The following RNF13 variants were observed in gnomAD, a reference collection of about 807,000 sequenced individuals.
RNF13 encodes E3 ubiquitin-protein ligase RNF13.
RNF13 carries 19 observed loss-of-function variants against 37.7 expected under a neutral mutation model. The observed-to-expected ratio is 0.50, with a 90% CI of 0.35 to 0.74. RNF13 has a LOEUF of 0.74. Among genes scored for constraint, RNF13 ranks in the 30% least tolerant of loss-of-function variants. The pLI is 0.01. For synonymous variants in RNF13, 144 were observed against 157.8 expected, an observed-to-expected ratio of 0.91 and a Z score of 0.65; for missense variants, 375 against 453.0, an observed-to-expected ratio of 0.83 and a Z score of 1.56.
rs183501369 is a variant in RNF13 at position 149,864,547 on chromosome 3, T to G, written c.196-7482T>G. 5.7e-3 allele frequency among the ~76,000 whole-genome samples: 873 copies of G among 152,278 alleles called. 10 individuals carry two copies. Among genetic ancestry groups the G allele is most frequent in the Non-Finnish European group, 4.1e-3 (282 of 68,020 alleles). On this transcript the variant is annotated intron_variant, in intron 3 of 9. Coordinates refer to ENST00000392894, the MANE Select transcript of RNF13 (RefSeq NM_183381.3). ...CCTCCAGAGCGCACATTCATTTTGT[T>G]TTCTAAAATGTCAAGGTATCATATC...
chr3:149,928,922 G>A (rs746916238), intron 8 of RNF13, among the ~76,000 whole-genome samples: 1 of 151,946 alleles, frequency 6.6e-6, no homozygotes, highest in Admixed American at 6.6e-5. Context: ...GCATTTTATT[G>A]TTTTAGATAC....
chr3:149,956,642 A>C (rs1227695693), intron 8 of RNF13, among the ~76,000 whole-genome samples: 2 of 152,200 alleles, frequency 1.3e-5, no homozygotes, highest in Non-Finnish European at 2.9e-5. Flanking sequence ...ACCTTCATGA[A>C]ATTTTTCTGA....
intron 3 of RNF13, among the ~76,000 whole-genome samples, chr3:149,856,262 C>T (rs1206053690): frequency 1.3e-5 from 2 of 151,964 alleles, no homozygotes; most frequent in South Asian, 2.1e-4. Flanking sequence ...TGCCATTGCC[C>T]AGAATCAGAA....
Position 149,961,317 on chromosome 3 carries a change from C to G in RNF13, c.*213C>G. The stretch of plus-strand genomic sequence containing the variant: ...TAATAGACTGGTGCTGTAACTCAAG[C>G]ATCAATTCAGCTCTTCTTTTGGAAT... On this transcript the variant is annotated 3_prime_UTR_variant, in exon 10 of 10. Transcript: ENST00000392894. 1 of 674,270 alleles carries G rather than the reference C, an allele frequency of 1.5e-6. No homozygotes were observed. The highest frequency in any genetic ancestry group is 2.7e-6 in the Non-Finnish European group (1 of 371,886). The allele number at this position is 674,270 out of a possible 1,614,324, so 41.8% of individuals were successfully genotyped here.
intron 4 of RNF13, among the ~76,000 whole-genome samples, chr3:149,889,015 T>G (rs1179404403): frequency 6.6e-6 from 1 of 152,196 alleles, no homozygotes; most frequent in African/African-American, 2.4e-5. Context: ...CTCAGCTCAC[T>G]GCAACCTCCG....
intron 8 of RNF13, among the ~76,000 whole-genome samples, chr3:149,944,604 T>A (rs1720592153): frequency 6.6e-6 from 1 of 152,228 alleles, no homozygotes; most frequent in African/African-American, 2.4e-5. Context: ...CATCAATGTC[T>A]TCTTTTGAAA....
chr3:149,836,843 T>C (rs1293699374), intron 1 of RNF13, among the ~76,000 whole-genome samples: 2 of 152,214 alleles, frequency 1.3e-5, no homozygotes, highest in Non-Finnish European at 2.9e-5. Flanking sequence ...TTTTCACATG[T>C]GGTACAACAC....
intron 3 of RNF13, among the ~76,000 whole-genome samples, chr3:149,854,315 ATTCTT>A (rs1302743284): frequency 6.6e-6 from 1 of 152,174 alleles, no homozygotes; most frequent in Non-Finnish European, 1.5e-5. Flanking sequence ...ACCTTCTTTT[ATTCTT>A]TTCTTACCTA....
rs1434488080 is a variant in RNF13 at position 149,951,152 on chromosome 3, A to T, written c.701-8904A>T. On this transcript the variant is annotated intron_variant, in intron 8 of 9. Coordinates refer to ENST00000392894, the MANE Select transcript of RNF13 (RefSeq NM_183381.3). ...TTAACTCTCAGACTTGTCCACACTGAGTCTCTGGCAATTTATCACAGTTCA... is the reference window on the plus strand; with the variant it reads ...TTAACTCTCAGACTTGTCCACACTGTGTCTCTGGCAATTTATCACAGTTCA... 2.0e-5 allele frequency among the ~76,000 whole-genome samples: 3 copies of T among 152,182 alleles called. No homozygotes were observed. In the East Asian group the frequency reaches 5.8e-4, roughly 29 times the overall value.
Position 149,854,650 on chromosome 3 carries a change from G to A in RNF13, c.195+2054G>A, listed in dbSNP as rs1166135685. On this transcript the variant is annotated intron_variant, in intron 3 of 9. Transcript: ENST00000392894. ...ACCACCTTGCAGGACTGGCTTTATA[G>A]ATGAGTGGTGCAGCCAATGGACCCT... Among the ~76,000 whole-genome samples the A allele has an allele frequency of 2.0e-5, 3 of 152,188 alleles. No homozygotes were observed. The East Asian group carries it at 5.8e-4, about 29-fold the overall frequency.
At chr3:149,960,286 T>G in intron 9 of RNF13, 150 bp downstream of exon 9, 1 of 580,710 alleles carries the variant, frequency 1.7e-6, no homozygotes, top group Non-Finnish European at 3.0e-6. Context: ...TGGAGGTGTA[T>G]TTATAAAAAT....
chr3:149,905,811 TA>T (rs1210579857), intron 6 of RNF13, among the ~76,000 whole-genome samples: 1 of 152,198 alleles, frequency 6.6e-6, no homozygotes, highest in Non-Finnish European at 1.5e-5. Context: ...ATGAAATTTT[TA>T]AAACAATTTT....
At chr3:149,948,485 T>A (rs1302701059) in intron 8 of RNF13, among the ~76,000 whole-genome samples, 1 of 152,170 alleles carries the variant, frequency 6.6e-6, no homozygotes, top group Non-Finnish European at 1.5e-5. Context: ...TTCCCTTATT[T>A]CCCTTTGTAT....
intron 2 of RNF13, among the ~76,000 whole-genome samples, chr3:149,850,086 T>C (rs1722995620): frequency 6.6e-6 from 1 of 151,930 alleles, no homozygotes; most frequent in Non-Finnish European, 1.5e-5. Flanking sequence ...TTCAAGCGAC[T>C]CTCCTGCCTC....
intron 8 of RNF13, among the ~76,000 whole-genome samples, chr3:149,929,374 C>T (rs1240819306): frequency 6.6e-6 from 1 of 152,112 alleles, no homozygotes; most frequent in African/African-American, 2.4e-5. Flanking sequence ...CCCCATGATC[C>T]AATTACCTCC....
At chr3:149,880,083 C>T (rs1048655786) in intron 4 of RNF13, among the ~76,000 whole-genome samples, 23 of 152,162 alleles carry the variant, frequency 1.5e-4, no homozygotes, top group African/African-American at 4.6e-4. Context: ...CGCTGGGTGG[C>T]GCTGAACATC....
intron 4 of RNF13, chr3:149,893,941 A>G (rs563893696): frequency 6.6e-6 from 1 of 152,210 alleles, no homozygotes; most frequent in African/African-American, 2.4e-5. Context: ...TATTTTAATT[A>G]GTTTTTTAAA....
intron 8 of RNF13, among the ~76,000 whole-genome samples, chr3:149,924,831 T>C (rs925608519): frequency 2.9e-4 from 44 of 152,060 alleles, no homozygotes; most frequent in Non-Finnish European, 1.0e-4. Context: ...TAAAGGAAAT[T>C]GATGTAGGTG....
chr3:149,845,943 A>G (rs1722601140), intron 1 of RNF13, 68 bp from the exon 2 acceptor site: 1 of 765,056 alleles, frequency 1.3e-6, no homozygotes, highest in East Asian at 2.5e-5. Flanking sequence ...TTGGGAATTA[A>G]TATATCAAAT....
Sources: gnomAD v4.1 joint callset for allele counts (sites outside exome capture counted in the v4.1 genomes callset) on GRCh38, gnomAD v4.1.1 for gene constraint, MANE v1.5 for transcripts, NCBI Gene and HGNC (gene_info 2026-07-23, HGNC 2026-07-21) for gene names.